Variants in WRN observed in about 807,000 individuals in gnomAD.
WRN encodes bifunctional 3'-5' exonuclease/ATP-dependent helicase WRN.
A neutral mutation model predicts 180.7 loss-of-function variants in WRN; 149 were observed. The observed-to-expected ratio is 0.82, with a 90% CI of 0.72 to 0.94. The LOEUF is 0.94. WRN is among the 40% of genes least tolerant of loss of function. The pLI is 0.00. For synonymous variants in WRN, 548 were observed against 568.9 expected (o/e 0.96, Z 0.52); for missense variants, 1,661 against 1,700.1 (o/e 0.98, Z 0.40).
At chr8:31,080,487 C>CT (rs1258385450) in intron 8 of WRN, among the ~76,000 whole-genome samples, 1 of 146,044 alleles carries the variant, frequency 6.8e-6, no homozygotes, top group Non-Finnish European at 1.5e-5. Flanking sequence ...TTTACAAAAT[C>CT]TTTCCATGTA....
intron 1 of WRN, among the ~76,000 whole-genome samples, chr8:31,048,559 G>A (rs560825682): frequency 2.0e-5 from 3 of 152,178 alleles, no homozygotes; most frequent in African/African-American, 7.2e-5. Flanking sequence ...GTATAAATTA[G>A]TTACTAGTAT....
chr8:31,037,703 T>C (rs1303954824), intron 1 of WRN, among the ~76,000 whole-genome samples: 4 of 152,344 alleles, frequency 2.6e-5, no homozygotes, highest in Admixed American at 1.3e-4. Context: ...GCTATAAATA[T>C]GTGGTTTTAT....
Position 31,148,903 on chromosome 8 carries a change from C to T in WRN, c.3572+1427C>T, listed in dbSNP as rs182923686. Among the ~76,000 whole-genome samples the T allele has an allele frequency of 2.6e-5, 4 of 152,282 alleles. No individual in the cohort carries two copies. The East Asian group carries it at 5.8e-4, about 22-fold the overall frequency. On this transcript the variant is annotated intron_variant, in intron 30 of 34. Transcript: ENST00000298139. ...TCTCCTGTAGCACCTAGCACAATGC[C>T]TCATAAACAGGAGGTGATCATTAAA...
Position 31,154,714 on chromosome 8 carries a change from G to A in WRN, c.3778G>A (p.Ala1260Thr), listed in dbSNP as rs201107091. The A allele has an allele frequency of 2.2e-5, 35 of 1,613,522 alleles. No individual in the cohort carries two copies. In the East Asian group the frequency reaches 7.8e-4, roughly 36 times the overall value. Residue 1260 changes from alanine to threonine, a missense_variant, in exon 32 of 35, where the codon GCC becomes ACC. Ala to Thr is a moderately conservative substitution (Grantham distance 58). Around this residue, in one of 3 missense-constraint regions of WRN, gnomAD observed 1,141 missense variants for 1,149.4 expected, o/e 0.99. Transcript: ENST00000298139. ...AATATGCACACTTTCACAGTCTATG[G>A]CCATCACATACTCTTTATTCCAAGA... ...NKICTLSQSM[A>T]ITYSLFQEKK...
chr8:31,163,050 A>G (rs1023066040), intron 33 of WRN, among the ~76,000 whole-genome samples: 5 of 152,266 alleles, frequency 3.3e-5, no homozygotes, highest in Non-Finnish European at 1.5e-5. Context: ...TATATCTTAC[A>G]GAGGCATACA....
intron 6 of WRN, among the ~76,000 whole-genome samples, chr8:31,067,811 T>C (rs775378626): frequency 1.3e-5 from 2 of 152,178 alleles, no homozygotes; most frequent in Non-Finnish European, 2.9e-5. Flanking sequence ...TTTTATTGTT[T>C]CTCCTTTGCA....
At position 31,124,626 on chromosome 8, in the gene WRN, A is replaced by G. The variant is rs1801849792; in HGVS notation, c.2732+3A>G. 1.2e-6 allele frequency: 2 copies of G among 1,602,770 alleles called. No individual in the cohort carries two copies. Among genetic ancestry groups the G allele is most frequent in the Non-Finnish European group, 1.7e-6 (2 of 1,170,142 alleles). On this transcript the variant is annotated splice_donor_region_variant and intron_variant, in intron 22 of 34. Transcript: ENST00000298139. ...CATTCTAGCAGATGTAGGAGACAGT[A>G]TGTATTATTTATTTTATGCCAATAG...
chr8:31,155,965 C>A (rs182797492), intron 32 of WRN, among the ~76,000 whole-genome samples: 1 of 152,202 alleles, frequency 6.6e-6, no homozygotes, highest in South Asian at 2.1e-4. Context: ...ATTTGACAGT[C>A]ATGTTTCTTA....
chr8:31,088,669 C>A (rs2130162156), intron 12 of WRN, among the ~76,000 whole-genome samples: 1 of 151,952 alleles, frequency 6.6e-6, no homozygotes, highest in South Asian at 2.1e-4. Flanking sequence ...ATAGTCCTGG[C>A]AAAGTGTGAA....
In WRN at chr8:31,037,049, A is replaced by T. The variant is rs561645233; in HGVS notation, c.-77+3076A>T. Among the ~76,000 whole-genome samples the T allele has an allele frequency of 3.9e-5, 6 of 152,322 alleles. No homozygotes were observed. The East Asian group carries it at 1.2e-3, about 29-fold the overall frequency. ...TTCAAGCGCATTACATTTATTGTGC[A>T]CTTTGTTTCTATTATTATTACATTG... On this transcript the variant is annotated intron_variant, in intron 1 of 34. Coordinates refer to ENST00000298139, the MANE Select transcript of WRN (RefSeq NM_000553.6).
intron 21 of WRN, among the ~76,000 whole-genome samples, chr8:31,123,062 TAAAC>T (rs1031296732): frequency 1.3e-5 from 2 of 151,890 alleles, no homozygotes; most frequent in African/African-American, 2.4e-5. Flanking sequence ...ATTCCAGAAA[TAAAC>T]AATTTATAAA....
chr8:31,074,896 A>G (rs1813041979), intron 7 of WRN, among the ~76,000 whole-genome samples: 2 of 152,134 alleles, frequency 1.3e-5, no homozygotes, highest in South Asian at 4.1e-4. Flanking sequence ...GTGTCAAAGT[A>G]TTGTTGGGGA....
intron 32 of WRN, among the ~76,000 whole-genome samples, chr8:31,156,566 T>C (rs879937349): frequency 6.6e-6 from 1 of 152,216 alleles, no homozygotes; most frequent in South Asian, 2.1e-4. Flanking sequence ...TGAAAAACAT[T>C]GCCTTAAATG....
chr8:31,110,414 C>A (rs1479698341), intron 18 of WRN, among the ~76,000 whole-genome samples: 1 of 152,108 alleles, frequency 6.6e-6, no homozygotes, highest in African/African-American at 2.4e-5. Context: ...CCAATTATCT[C>A]ATCACATTAG....
At chr8:31,088,310 G>T (rs967937107) in intron 12 of WRN, among the ~76,000 whole-genome samples, 4 of 152,092 alleles carry the variant, frequency 2.6e-5, no homozygotes, top group African/African-American at 9.7e-5. Context: ...TGTGGACAGG[G>T]AAAGTGACTT....
At chr8:31,149,453 G>GTTT (rs1803010841) in intron 30 of WRN, among the ~76,000 whole-genome samples, 2 of 91,006 alleles carry the variant, frequency 2.2e-5, no homozygotes, top group African/African-American at 9.0e-5. Context: ...TTTAATAGAG[G>GTTT]TGTTTTTTTT....
At chr8:31,134,206 A>T (rs1315191907) in intron 24 of WRN, among the ~76,000 whole-genome samples, 1 of 152,184 alleles carries the variant, frequency 6.6e-6, no homozygotes, top group African/African-American at 2.4e-5. Context: ...AATTATCGTT[A>T]TAATTCCTTT....
At chr8:31,104,767 T>A (rs1801028247) in intron 18 of WRN, among the ~76,000 whole-genome samples, 1 of 152,252 alleles carries the variant, frequency 6.6e-6, no homozygotes, top group South Asian at 2.1e-4. Context: ...CTTCCCCTGT[T>A]AAATTGCGTT....
intron 18 of WRN, 72 bp downstream of exon 18, chr8:31,101,027 T>C: frequency 7.7e-7 from 1 of 1,296,338 alleles, no homozygotes; most frequent in Non-Finnish European, 1.1e-6. Context: ...TGGGGAGTGG[T>C]AAAGAAGCTG....
Sources: gnomAD v4.1 joint callset for allele counts (sites outside exome capture counted in the v4.1 genomes callset) on GRCh38, gnomAD v4.1.1 for gene constraint, gnomAD v4.1.1 regional missense constraint, MANE v1.5 for transcripts, NCBI Gene and HGNC (gene_info 2026-07-23, HGNC 2026-07-21) for gene names.